The following RHBDF2 variants were observed in gnomAD, a reference collection of about 807,000 sequenced individuals.
The protein encoded by RHBDF2 is rhomboid 5 homolog 2, also known as inactive rhomboid protein 2.
In RHBDF2, 38 loss-of-function variants were observed where a neutral mutation model predicts 95.2. The observed-to-expected ratio is 0.40, with a 90% CI of 0.31 to 0.52. The LOEUF is 0.52. RHBDF2 is among the 20% of genes least tolerant of loss of function. The probability of loss-of-function intolerance (pLI) is 0.56; values close to 1 mark genes in which losing one functional copy is unlikely to be tolerated. For synonymous variants in RHBDF2, 442 were observed against 462.0 expected (o/e 0.96, Z 0.55); for missense variants, 863 against 1,137.7 (o/e 0.76, Z 3.47).
At chr17:76,480,883 C>T (rs549475601) in intron 3 of RHBDF2, among the ~76,000 whole-genome samples, 1 of 152,312 alleles carries the variant, frequency 6.6e-6, no homozygotes, top group African/African-American at 2.4e-5. Flanking sequence ...AGGAAGCCCA[C>T]GCTGCCACAA....
chr17:76,492,176 C>T (rs913875973), intron 1 of RHBDF2, among the ~76,000 whole-genome samples: 1 of 152,178 alleles, frequency 6.6e-6, no homozygotes, highest in African/African-American at 2.4e-5. Flanking sequence ...GGGACAGACT[C>T]TATTTCCTCC....
At chr17:76,479,570 C>A in intron 4 of RHBDF2, 163 bp downstream of exon 4, 1 of 722,694 alleles carries the variant, frequency 1.4e-6, no homozygotes. Context: ...ACCCATTTCC[C>A]CATCTATACC....
chr17:76,498,240 TC>T (rs2074477816), intron 1 of RHBDF2, among the ~76,000 whole-genome samples: 1 of 150,254 alleles, frequency 6.7e-6, no homozygotes, highest in Admixed American at 6.6e-5. Flanking sequence ...GGCGCAGACG[TC>T]CCCGCCACTC....
At chr17:76,493,358 G>A (rs1008252621) in intron 1 of RHBDF2, among the ~76,000 whole-genome samples, 2 of 152,182 alleles carry the variant, frequency 1.3e-5, no homozygotes, top group Non-Finnish European at 2.9e-5. Flanking sequence ...CCAGAGGCCC[G>A]GAAGGACAGC....
In RHBDF2 at chr17:76,471,472, G is replaced by A. The variant is rs936079503; in HGVS notation, c.*161C>T. ...ACCCCGCCTTAACCAACCATCTCAC[G>A]CGGAGTCAGCCTCGCCTGGCAGGGG... On this transcript the variant is annotated 3_prime_UTR_variant, in exon 19 of 19. Transcript: ENST00000675367. 10 of 752,930 alleles carry A rather than the reference G, an allele frequency of 1.3e-5. No individual in the cohort carries two copies. Among genetic ancestry groups the A allele is most frequent in the Admixed American group, 1.2e-4 (4 of 32,996 alleles). 46.6% of individuals were successfully genotyped at this position (752,930 alleles called of 1,614,324 possible). A position where few individuals can be genotyped will look rare whatever the true frequency, so the allele number is the denominator to read the frequency against.
At chr17:76,485,976 G>A (rs931916455) in intron 2 of RHBDF2, among the ~76,000 whole-genome samples, 25 of 152,002 alleles carry the variant, frequency 1.6e-4, no homozygotes, top group Non-Finnish European at 2.9e-4. Context: ...GGACTGGGCA[G>A]GGGGTGACAG....
intron 1 of RHBDF2, among the ~76,000 whole-genome samples, chr17:76,500,539 C>T (rs76599376): frequency 0.023 from 3,576 of 152,210 alleles, 135 homozygotes; most frequent in African/African-American, 0.078. Context: ...GGGGTCAGCT[C>T]CCCACCGCCT....
At chr17:76,478,739 G>T in intron 6 of RHBDF2, 67 bp downstream of exon 6, 2 of 1,357,800 alleles carry the variant, frequency 1.5e-6, no homozygotes, top group Non-Finnish European at 2.0e-6. Flanking sequence ...ACTATGAGGA[G>T]TGGAAGGGAG....
rs140560049 is a variant in RHBDF2, at chr17:76,479,158, C to G, written c.392G>C (p.Arg131Pro). 1.9e-6 allele frequency: 3 copies of G among 1,613,092 alleles called. No homozygotes were observed. Among genetic ancestry groups the G allele is most frequent in the Non-Finnish European group, 2.5e-6 (3 of 1,179,694 alleles). ...CTCCTGGCTGGGGAGCTCCAGGTCA[C>G]GCTGGCACGAGGCCTTCAGGCGGCC... ...RYGRLKASCQRDLELPSQEAP... is the reference protein window; with the variant it reads ...RYGRLKASCQPDLELPSQEAP... Residue 131 changes from arginine (R) to proline (P), a missense_variant, in exon 5 of 19, where the codon CGT becomes CCT. Transcript: ENST00000675367.
At chr17:76,496,154 G>A (rs770327619) in intron 1 of RHBDF2, among the ~76,000 whole-genome samples, 1 of 152,200 alleles carries the variant, frequency 6.6e-6, no homozygotes, top group Non-Finnish European at 1.5e-5. Flanking sequence ...CCCCACCACG[G>A]AGGGAGCCAG....
Position 76,472,044 on chromosome 17 carries a change from C to T in RHBDF2, c.2073G>A (p.Pro691=), listed in dbSNP as rs374520556. The change falls in exon 19 of 19, where the codon CCG becomes CCA. Residue 691 remains proline (P), a synonymous_variant. Coordinates refer to ENST00000675367, the MANE Select transcript of RHBDF2 (RefSeq NM_001005498.4). ...IFLPYRAEVG[P]AGSQFGLLAC... Reference sequence around the variant, plus strand: ...CGAGGAGGCCGAACTGTGAGCCGGCCGGGCCCACCTGGGGCGGGGCAGGGG... The same window carrying T: ...CGAGGAGGCCGAACTGTGAGCCGGCTGGGCCCACCTGGGGCGGGGCAGGGG... 1.9e-5 allele frequency: 30 copies of T among 1,561,894 alleles called. No homozygotes were observed. The highest frequency in any genetic ancestry group is 1.2e-4 in the African/African-American group (9 of 74,014).
chr17:76,473,436 G>T, intron 15 of RHBDF2, 109 bp from the exon 16 acceptor site: 1 of 1,093,988 alleles, frequency 9.1e-7, no homozygotes, highest in South Asian at 1.4e-5. Flanking sequence ...GCAGGAAGGG[G>T]GATGCCGCAT....
At chr17:76,496,975 G>C (rs2074440576) in intron 1 of RHBDF2, among the ~76,000 whole-genome samples, 2 of 152,112 alleles carry the variant, frequency 1.3e-5, no homozygotes, top group Admixed American at 6.5e-5. Context: ...TATTAGCCAG[G>C]ATGGTCCCGA....
intron 1 of RHBDF2, among the ~76,000 whole-genome samples, chr17:76,491,749 G>A (rs1404039174): frequency 6.6e-6 from 1 of 152,210 alleles, no homozygotes; most frequent in Non-Finnish European, 1.5e-5. Context: ...GTTGGGGTGG[G>A]GGTGCAAAGG....
chr17:76,497,670 T>C (rs56339449), intron 1 of RHBDF2, among the ~76,000 whole-genome samples: 102,209 of 152,098 alleles, frequency 0.67, 34,817 homozygotes, highest in East Asian at 0.82. Flanking sequence ...TGCACACCTT[T>C]ACCACGGGAG....
In RHBDF2 at chr17:76,472,986, G is replaced by A. The variant is rs368342040; in HGVS notation, c.1910+19C>T. 9 of 1,608,850 alleles carry A rather than the reference G, an allele frequency of 5.6e-6. No homozygotes were observed. Among genetic ancestry groups the A allele is most frequent in the African/African-American group, 5.3e-5 (4 of 74,848 alleles). ...GCCATCACAGGGGTCGGGTTCGGGG[G>A]CAGTGAGGAGCCTCTTACCCAGCAT... On this transcript the variant is annotated intron_variant, in intron 17 of 18. Transcript: ENST00000675367.
chr17:76,495,148 C>T lies in RHBDF2; in HGVS notation c.-220+6205G>A, dbSNP rs72860898. 3.0e-3 allele frequency among the ~76,000 whole-genome samples: 457 copies of T among 152,304 alleles called. 1 individual carries two copies. Among genetic ancestry groups the T allele is most frequent in the Admixed American group, 5.5e-3 (84 of 15,302 alleles). On this transcript the variant is annotated intron_variant, in intron 1 of 18. Transcript: ENST00000675367. ...GTCTGCCTCTCTGCATCCCGGCAGC[C>T]GGGTTTTCACGGGTCCTTGGAAGCA... is the stretch of plus-strand genomic sequence containing the variant.
chr17:76,485,881 G>A (rs2074112543), intron 2 of RHBDF2, among the ~76,000 whole-genome samples: 2 of 152,128 alleles, frequency 1.3e-5, no homozygotes, highest in Non-Finnish European at 2.9e-5. Context: ...ACCTCTGCAT[G>A]AGTCCATTCA....
At chr17:76,472,918 A>G (rs1200352678) in intron 17 of RHBDF2, 79 bp from the exon 18 acceptor site, 1 of 1,586,746 alleles carries the variant, frequency 6.3e-7, no homozygotes, top group African/African-American at 1.3e-5. Context: ...TGGGCCGGCC[A>G]TGCCCTGGCC....
Sources: gnomAD v4.1 joint callset for allele counts (sites outside exome capture counted in the v4.1 genomes callset) on GRCh38, gnomAD v4.1.1 for gene constraint, MANE v1.5 for transcripts, NCBI Gene and HGNC (gene_info 2026-07-23, HGNC 2026-07-21) for gene names.